Variants in CHODL observed in about 807,000 individuals in gnomAD.
The protein encoded by CHODL is transmembrane protein MT75.
CHODL carries 29 observed loss-of-function variants against 34.5 expected under a neutral mutation model. The observed-to-expected ratio is 0.84, with a 90% CI of 0.63 to 1.15. The LOEUF is 1.15. Ranked by LOEUF, CHODL falls within the 50% of genes most tolerant of loss-of-function variation. CHODL has a pLI of 0.00. For missense variants in CHODL, 332 were observed against 332.5 expected (o/e 1.00, Z 0.01); for synonymous variants, 125 against 116.1 (o/e 1.08, Z -0.49).
At chr21:18,034,618 T>C (rs1329895428) in intron 2 of CHODL, 3 of 152,036 alleles carry the variant, frequency 2.0e-5, no homozygotes, top group African/African-American at 7.2e-5. Flanking sequence ...CATTCTCCTG[T>C]GATTCTTTCT....
At chr21:18,225,703 TTATAA>T (rs2073925080) in intron 2 of CHODL, among the ~76,000 whole-genome samples, 1 of 152,068 alleles carries the variant, frequency 6.6e-6, no homozygotes, top group Admixed American at 6.6e-5. Flanking sequence ...TTACATATGC[TTATAA>T]TATATCTAAA....
chr21:18,039,930 T>C (rs117506804), intron 2 of CHODL, among the ~76,000 whole-genome samples: 1 of 151,828 alleles, frequency 6.6e-6, no homozygotes, highest in Non-Finnish European at 1.5e-5. Context: ...ATTTAACACA[T>C]GTTGAGACTT....
chr21:18,204,695 A>G (rs572612778), intron 2 of CHODL, among the ~76,000 whole-genome samples: 1 of 152,264 alleles, frequency 6.6e-6, no homozygotes, highest in South Asian at 2.1e-4. Context: ...TCTTACTTCC[A>G]TCTGAGTTTC....
chr21:18,131,580 T>G (rs550631002), intron 2 of CHODL, among the ~76,000 whole-genome samples: 1 of 152,212 alleles, frequency 6.6e-6, no homozygotes, highest in Non-Finnish European at 1.5e-5. Flanking sequence ...AATTTAAGTA[T>G]GCAATATTTG....
intron 1 of CHODL, among the ~76,000 whole-genome samples, chr21:17,931,470 A>G (rs1365766501): frequency 6.6e-6 from 1 of 152,246 alleles, no homozygotes; most frequent in African/African-American, 2.4e-5. Context: ...AGAAACCAGT[A>G]TAAGAACTCT....
intron 2 of CHODL, among the ~76,000 whole-genome samples, chr21:18,211,141 T>C (rs866704140): frequency 6.7e-6 from 1 of 148,686 alleles, no homozygotes; most frequent in African/African-American, 2.5e-5. Context: ...TACACATGGA[T>C]ACACACACAC....
Position 18,245,083 on chromosome 21 carries a change from G to A in CHODL, c.-141G>A, listed in dbSNP as rs538239174. On this transcript the variant is annotated 5_prime_UTR_variant, in exon 1 of 6. Coordinates refer to ENST00000299295, the MANE Select transcript of CHODL (RefSeq NM_024944.3). ...TCCCGGCCGAAGGCGATGCGCGCAGGGGGTCGGGCAGCTGGGCTCGGGCGG... is the reference window on the plus strand; with the variant it reads ...TCCCGGCCGAAGGCGATGCGCGCAGAGGGTCGGGCAGCTGGGCTCGGGCGG... 16 of 646,330 alleles carry A rather than the reference G, an allele frequency of 2.5e-5. No homozygotes were observed. Among genetic ancestry groups the A allele is most frequent in the Admixed American group, 4.3e-5 (1 of 23,172 alleles). 40.0% of individuals were successfully genotyped at this position (646,330 alleles called of 1,614,324 possible).
At chr21:18,005,383 TAAAG>T (rs1012868347) in intron 1 of CHODL, among the ~76,000 whole-genome samples, 1 of 152,256 alleles carries the variant, frequency 6.6e-6, no homozygotes, top group Admixed American at 6.5e-5. Flanking sequence ...CTTAATAAAA[TAAAG>T]AGACTTTAAA....
intron 2 of CHODL, among the ~76,000 whole-genome samples, chr21:18,099,740 C>T (rs73310443): frequency 0.023 from 3,522 of 152,134 alleles, 135 homozygotes; most frequent in African/African-American, 0.079. Context: ...TATTTTTATG[C>T]AACTCAGAAA....
intron 1 of CHODL, among the ~76,000 whole-genome samples, chr21:17,970,330 AT>A (rs2063604586): frequency 6.6e-6 from 1 of 152,142 alleles, no homozygotes; most frequent in African/African-American, 2.4e-5. Flanking sequence ...TCGCCATCTT[AT>A]TTCTCAATTT....
At chr21:18,004,895 G>A (rs2063945672) in intron 1 of CHODL, among the ~76,000 whole-genome samples, 1 of 151,656 alleles carries the variant, frequency 6.6e-6, no homozygotes, top group Non-Finnish European at 1.5e-5. Flanking sequence ...ATTTTTATGT[G>A]TGTGATGATA....
chr21:18,084,557 T>C (rs1196383177), intron 2 of CHODL, among the ~76,000 whole-genome samples: 3 of 152,170 alleles, frequency 2.0e-5, no homozygotes, highest in African/African-American at 7.2e-5. Flanking sequence ...GCTTAATTTC[T>C]ATGTATTTGT....
chr21:18,127,672 G>GTTTTTTTT lies in CHODL; in HGVS notation c.-45+99723_-45+99730dup, dbSNP rs71318127. ...TTACATAACCAGTTGCGTTGCCATT[G>GTTTTTTTT]TTTTTTTTTTTTTTTTTTTTTTTTT... On this transcript the variant is annotated intron_variant, in intron 2 of 6. Transcript: ENST00000400127. 8.3e-3 allele frequency among the ~76,000 whole-genome samples: 579 copies of GTTTTTTTT among 69,996 alleles called. 51 individuals carry two copies. The highest frequency in any genetic ancestry group is 9.9e-3 in the African/African-American group (188 of 18,906). 45.9% of individuals were successfully genotyped at this position (69,996 alleles called of 152,430 possible).
At chr21:18,037,320 C>G (rs559127170) in intron 2 of CHODL, among the ~76,000 whole-genome samples, 1 of 151,950 alleles carries the variant, frequency 6.6e-6, no homozygotes, top group African/African-American at 2.4e-5. Context: ...GTGGAAAATT[C>G]TTATTTTGTT....
At position 18,167,199 on chromosome 21, in the gene CHODL, A is replaced by G. The variant is rs1017789150; in HGVS notation, c.-44-89310A>G. On this transcript the variant is annotated intron_variant, in intron 2 of 6. Coordinates refer to the CHODL transcript ENST00000400127. ...AATAAAAAGTTATTTCACCATTCCC[A>G]TTTCTCTCTCTCTGTGTGTGTGTGT... Among the ~76,000 whole-genome samples, 19 of 110,770 alleles carry G rather than the reference A, an allele frequency of 1.7e-4. 1 individual carries two copies. In the Admixed American group the frequency reaches 1.7e-3, roughly 10 times the overall value. The allele number at this position is 110,770 out of a possible 152,430, so 72.7% of individuals were successfully genotyped here.
intron 2 of CHODL, among the ~76,000 whole-genome samples, chr21:18,194,691 T>C (rs1433733992): frequency 6.6e-6 from 1 of 152,076 alleles, no homozygotes; most frequent in Admixed American, 6.5e-5. Context: ...TTCACATAGG[T>C]ATACATTGAA....
chr21:18,069,257 A>G (rs1363774391), intron 2 of CHODL, among the ~76,000 whole-genome samples: 1 of 152,198 alleles, frequency 6.6e-6, no homozygotes, highest in East Asian at 1.9e-4. Flanking sequence ...ACTACCAGAA[A>G]GGAATTGGAC....
At chr21:18,195,281 C>T (rs1374626447) in intron 2 of CHODL, among the ~76,000 whole-genome samples, 1 of 152,232 alleles carries the variant, frequency 6.6e-6, no homozygotes, top group African/African-American at 2.4e-5. Flanking sequence ...GTCTCGATCT[C>T]CTGACCTCGT....
intron 2 of CHODL, among the ~76,000 whole-genome samples, chr21:18,116,498 T>C (rs2065414667): frequency 6.6e-6 from 1 of 152,252 alleles, no homozygotes. Context: ...ATCAACGCCA[T>C]CTCATTTCTA....
Sources: allele counts gnomAD v4.1 joint callset (sites outside exome capture counted in the v4.1 genomes callset), GRCh38; gene constraint gnomAD v4.1.1; transcripts MANE v1.5; gene names NCBI Gene and HGNC (gene_info 2026-07-23, HGNC 2026-07-21).